Variants in AK5 observed in about 807,000 individuals in gnomAD.
AK5 encodes adenylate kinase isoenzyme 5.
AK5 carries 27 observed loss-of-function variants against 69.5 expected under a neutral mutation model. That is an observed-to-expected ratio of 0.39 (90% CI 0.29 to 0.54). The LOEUF (loss-of-function observed/expected upper bound fraction) is 0.54, where lower values mean the gene tolerates loss of function less well. AK5 is among the 20% of genes least tolerant of loss of function. The probability of loss-of-function intolerance (pLI) is 0.71; values close to 1 mark genes in which losing one functional copy is unlikely to be tolerated. For synonymous variants in AK5, 260 were observed against 244.4 expected (o/e 1.06, Z -0.60); for missense variants, 531 against 700.4 (o/e 0.76, Z 2.73).
chr1:77,302,521 A>C (rs1659400637), intron 5 of AK5, among the ~76,000 whole-genome samples: 1 of 152,188 alleles, frequency 6.6e-6, no homozygotes, highest in African/African-American at 2.4e-5. Flanking sequence ...GCTTCAGGCC[A>C]TCTAAAACAG....
intron 6 of AK5, among the ~76,000 whole-genome samples, chr1:77,356,885 A>G (rs938125503): frequency 1.3e-5 from 2 of 152,202 alleles, no homozygotes; most frequent in Admixed American, 1.3e-4. Flanking sequence ...TGAAATGATG[A>G]GCTGAGAAAA....
rs549988172 is a variant in AK5 at position 77,315,682 on chromosome 1, G to A, written c.699+17735G>A. ...AATAAAATGTATCACAAAATATGTA[G>A]CTCCTATGTAGGCGACAGGTGACTG... On this transcript the variant is annotated intron_variant, in intron 5 of 13. Coordinates refer to ENST00000354567, the MANE Select transcript of AK5 (RefSeq NM_174858.3). Among the ~76,000 whole-genome samples the A allele has an allele frequency of 9.2e-5, 14 of 152,224 alleles. No homozygotes were observed. In the East Asian group the frequency reaches 2.1e-3, roughly 23 times the overall value.
At chr1:77,454,292 G>C (rs969204264) in intron 8 of AK5, among the ~76,000 whole-genome samples, 1 of 152,034 alleles carries the variant, frequency 6.6e-6, no homozygotes. Flanking sequence ...GACAGTGTTG[G>C]CTCATTCCAC....
At chr1:77,324,974 G>A (rs951391735) in intron 5 of AK5, among the ~76,000 whole-genome samples, 19 of 97,046 alleles carry the variant, frequency 2.0e-4, no homozygotes, top group African/African-American at 5.6e-4. Context: ...GTCAGATTAC[G>A]AGCTACTTTT....
chr1:77,402,658 G>T (rs1223131053), intron 6 of AK5, among the ~76,000 whole-genome samples: 2 of 151,842 alleles, frequency 1.3e-5, no homozygotes, highest in East Asian at 3.9e-4. Flanking sequence ...GTATTCCATG[G>T]TGTATATGTG....
intron 6 of AK5, among the ~76,000 whole-genome samples, chr1:77,366,334 C>T (rs1646949212): frequency 1.3e-5 from 2 of 152,176 alleles, no homozygotes; most frequent in South Asian, 4.1e-4. Context: ...GTGCCTAGCA[C>T]ATTATAAGCC....
chr1:77,456,518 A>G (rs979621508), intron 8 of AK5, among the ~76,000 whole-genome samples: 2 of 152,232 alleles, frequency 1.3e-5, no homozygotes, highest in African/African-American at 4.8e-5. Flanking sequence ...GGGGGAGAGT[A>G]AGAAATGACT....
At chr1:77,371,955 G>A (rs187393978) in intron 6 of AK5, among the ~76,000 whole-genome samples, 1 of 152,180 alleles carries the variant, frequency 6.6e-6, no homozygotes, top group Non-Finnish European at 1.5e-5. Flanking sequence ...TCAGTAGAAA[G>A]ACTTGCACTT....
chr1:77,514,029 G>C (rs1657500705), intron 10 of AK5, among the ~76,000 whole-genome samples: 1 of 152,168 alleles, frequency 6.6e-6, no homozygotes, highest in South Asian at 2.1e-4. Flanking sequence ...ATGCTGTCGA[G>C]ACCTGTAGGG....
intron 8 of AK5, among the ~76,000 whole-genome samples, chr1:77,434,610 T>C (rs1168873495): frequency 6.6e-6 from 1 of 152,128 alleles, no homozygotes; most frequent in Non-Finnish European, 1.5e-5. Flanking sequence ...CAAAAATCCT[T>C]AACCTTTCCA....
intron 8 of AK5, among the ~76,000 whole-genome samples, chr1:77,440,631 C>A (rs1228976540): frequency 6.6e-6 from 1 of 152,110 alleles, no homozygotes; most frequent in East Asian, 1.9e-4. Flanking sequence ...TATTTGTTCA[C>A]TTAATGGTGT....
intron 8 of AK5, among the ~76,000 whole-genome samples, chr1:77,450,951 G>A (rs2100656915): frequency 6.6e-6 from 1 of 152,266 alleles, no homozygotes; most frequent in East Asian, 1.9e-4. Context: ...CGAAGCAGGA[G>A]TATCATTTGA....
At chr1:77,340,215 C>T (rs1013397128) in intron 5 of AK5, among the ~76,000 whole-genome samples, 162 bp from the exon 6 acceptor site, 1 of 152,112 alleles carries the variant, frequency 6.6e-6, no homozygotes, top group African/African-American at 2.4e-5. Flanking sequence ...AATGGCTGCT[C>T]CTGGCCTTGG....
intron 8 of AK5, among the ~76,000 whole-genome samples, chr1:77,470,202 C>T (rs1394727664): frequency 1.3e-5 from 2 of 152,132 alleles, no homozygotes; most frequent in East Asian, 1.9e-4. Context: ...CTGTCAGGAG[C>T]TCAATAAATA....
At chr1:77,441,381 C>G (rs140421801) in intron 8 of AK5, among the ~76,000 whole-genome samples, 126 of 151,848 alleles carry the variant, frequency 8.3e-4, no homozygotes, top group African/African-American at 3.0e-3. Context: ...TTTTATGTGT[C>G]CCTGCATTCA....
intron 8 of AK5, 86 bp downstream of exon 8, chr1:77,417,801 A>T: frequency 1.2e-6 from 1 of 823,482 alleles, no homozygotes. Flanking sequence ...GAATTATAAA[A>T]ACTCATTTTG....
intron 13 of AK5, among the ~76,000 whole-genome samples, chr1:77,550,148 T>C (rs184034603): frequency 6.6e-6 from 1 of 152,182 alleles, no homozygotes; most frequent in Admixed American, 6.5e-5. Context: ...ACACTGTATT[T>C]CCCAAGCTGG....
chr1:77,334,601 A>G (rs1369353344), intron 5 of AK5, among the ~76,000 whole-genome samples: 1 of 151,680 alleles, frequency 6.6e-6, no homozygotes, highest in East Asian at 1.9e-4. Flanking sequence ...GCTCCTTTCC[A>G]TATTTTTTCT....
At chr1:77,537,945 G>A (rs1410193554) in intron 13 of AK5, among the ~76,000 whole-genome samples, 1 of 152,238 alleles carries the variant, frequency 6.6e-6, no homozygotes, top group Non-Finnish European at 1.5e-5. Flanking sequence ...ACTCCAGGCA[G>A]CTACTGCCAA....
Sources: allele counts gnomAD v4.1 joint callset (sites outside exome capture counted in the v4.1 genomes callset), GRCh38; gene constraint gnomAD v4.1.1; transcripts MANE v1.5; gene names NCBI Gene and HGNC (gene_info 2026-07-23, HGNC 2026-07-21).